The following CEP89 variants were observed in gnomAD, a reference collection of about 807,000 sequenced individuals.
The protein encoded by CEP89 is centrosomal protein of 89 kDa.
A neutral mutation model predicts 97.6 loss-of-function variants in CEP89; 95 were observed. That is an observed-to-expected ratio of 0.97 (90% confidence interval 0.82 to 1.15). The LOEUF (loss-of-function observed/expected upper bound fraction) is 1.15, where lower values mean the gene tolerates loss of function less well. Among genes scored for constraint, CEP89 ranks in the 50% most tolerant of loss-of-function variants. The pLI is 0.00. For synonymous variants in CEP89, 354 were observed against 349.1 expected (o/e 1.01, Z -0.16); for missense variants, 869 against 947.7 (o/e 0.92, Z 1.09).
chr19:32,915,400 T>C lies in CEP89; in HGVS notation c.1502A>G (p.Lys501Arg). ...EILRAKCQELKTHSDGKIAVE... is the reference protein window; with the variant it reads ...EILRAKCQELRTHSDGKIAVE... ...TGCGATTTTGCCATCCGAGTGTGTT[T>C]TGAGTTCTTGGCATTTGGCACGTAA... Residue 501 changes from lysine to arginine, a missense_variant, in exon 14 of 19, where the codon AAA becomes AGA. Physicochemically the swap from Lys to Arg is conservative, Grantham distance 26. Transcript: ENST00000305768. The C allele has an allele frequency of 1.2e-6, 2 of 1,613,914 alleles. No homozygotes were observed. Among genetic ancestry groups the C allele is most frequent in the Non-Finnish European group, 1.7e-6 (2 of 1,179,940 alleles).
intron 4 of CEP89, among the ~76,000 whole-genome samples, chr19:32,951,651 G>A (rs1970921697): frequency 6.6e-6 from 1 of 151,324 alleles, no homozygotes; most frequent in Non-Finnish European, 1.5e-5. Context: ...TCCAAGAAAA[G>A]ATGAGTTTCC....
At chr19:32,891,410 C>T (rs959494639) in intron 16 of CEP89, among the ~76,000 whole-genome samples, 4 of 152,166 alleles carry the variant, frequency 2.6e-5, no homozygotes, top group African/African-American at 4.8e-5. Flanking sequence ...GTGACTGTTA[C>T]ACTTGATTTG....
intron 13 of CEP89, chr19:32,917,810 C>A (rs1354497791): frequency 3.4e-5 from 33 of 984,888 alleles, no homozygotes; most frequent in Non-Finnish European, 3.9e-5. Flanking sequence ...AGGCCCGCAG[C>A]TCTGAAGGAA....
intron 3 of CEP89, among the ~76,000 whole-genome samples, chr19:32,959,454 A>G (rs1971118462): frequency 6.6e-6 from 1 of 152,204 alleles, no homozygotes. Context: ...AAAGATGATG[A>G]AGAAAAAAGG....
chr19:32,968,721 T>C (rs1332107169), intron 1 of CEP89, among the ~76,000 whole-genome samples: 1 of 152,166 alleles, frequency 6.6e-6, no homozygotes, highest in African/African-American at 2.4e-5. Flanking sequence ...AAAACCCTCA[T>C]GGGCAGCACC....
At chr19:32,901,474 C>T in intron 14 of CEP89, 62 bp from the exon 15 acceptor site, 4 of 1,536,850 alleles carry the variant, frequency 2.6e-6, no homozygotes, top group Non-Finnish European at 3.5e-6. Flanking sequence ...GGGGCAGTCA[C>T]ATAACGAGGA....
intron 2 of CEP89, chr19:32,963,939 TG>T: frequency 1.1e-5 from 1 of 93,304 alleles, no homozygotes; most frequent in Non-Finnish European, 2.1e-5. Flanking sequence ...CGCATGCACA[TG>T]AACACACACA....
At position 32,971,849 on chromosome 19, in the gene CEP89, C is replaced by T; in HGVS notation, c.26G>A (p.Arg9His). ...GCATCTACTTACGAAATGACTCCTG[C>T]GGCCTCTCCGAAATCCCAGGAGCAT... MLLGFRRG[R>H]RSHFKHIIHG... Residue 9 changes from arginine to histidine, a missense_variant, in exon 1 of 19, where the codon CGC becomes CAC. Physicochemically the swap from Arg to His is conservative, Grantham distance 29 (BLOSUM62 0). Transcript: ENST00000305768. 1.9e-6 allele frequency: 3 copies of T among 1,594,416 alleles called. No homozygotes were observed. Among genetic ancestry groups the T allele is most frequent in the South Asian group, 1.1e-5 (1 of 88,310 alleles).
chr19:32,937,677 G>C lies in CEP89; in HGVS notation c.625-4C>G. ...CACATAATGGAGGTTTTTCATCCTA[G>C]GAAAGAAAGAACATAAGAGGAATAA... is the stretch of plus-strand genomic sequence containing the variant. On this transcript the variant is annotated splice_region_variant and splice_polypyrimidine_tract_variant and intron_variant, in intron 6 of 18. Coordinates refer to ENST00000305768, the MANE Select transcript of CEP89 (RefSeq NM_032816.5). 6.2e-7 allele frequency: 1 copy of C among 1,602,312 alleles called. No individual in the cohort carries two copies. The highest frequency in any genetic ancestry group is 2.2e-5 in the East Asian group (1 of 44,810).
chr19:32,907,974 T>C (rs577542110), intron 14 of CEP89, among the ~76,000 whole-genome samples: 1 of 152,352 alleles, frequency 6.6e-6, no homozygotes, highest in Admixed American at 6.5e-5. Flanking sequence ...TGGTTTATAG[T>C]TGCCTGCAGT....
chr19:32,896,104 T>C (rs1371935208), intron 16 of CEP89, among the ~76,000 whole-genome samples: 4 of 152,120 alleles, frequency 2.6e-5, no homozygotes, highest in African/African-American at 9.7e-5. Flanking sequence ...TTCACAGAAA[T>C]AGAATAAACA....
chr19:32,971,574 T>C, intron 1 of CEP89: 1 of 581,112 alleles, frequency 1.7e-6, no homozygotes, highest in Non-Finnish European at 3.1e-6. Flanking sequence ...GGAAGATCGC[T>C]TGAGCCCAGG....
rs542941894 is a variant in CEP89, at chr19:32,935,766, G to T, written c.667+1865C>A. Among the ~76,000 whole-genome samples, 154 of 152,246 alleles carry T rather than the reference G, an allele frequency of 1.0e-3. 4 individuals carry two copies. The highest frequency in any genetic ancestry group is 0.01 in the Admixed American group (153 of 15,296). On this transcript the variant is annotated intron_variant, in intron 7 of 18. Transcript: ENST00000305768. ...CTCTTGCTCCATGGAGCAGGCAGGA[G>T]CCCCGGCCCTCCCTGGGTGCTGCTG...
At chr19:32,953,440 T>C (rs1970967514) in intron 4 of CEP89, among the ~76,000 whole-genome samples, 175 bp downstream of exon 4, 1 of 152,040 alleles carries the variant, frequency 6.6e-6, no homozygotes, top group Non-Finnish European at 1.5e-5. Context: ...GGAAAGAAGT[T>C]TATGTTTTAA....
intron 14 of CEP89, among the ~76,000 whole-genome samples, chr19:32,906,938 A>G (rs1248389250): frequency 2.0e-5 from 3 of 152,120 alleles, no homozygotes; most frequent in Non-Finnish European, 4.4e-5. Flanking sequence ...GGCCCAAGAG[A>G]TCCTCCCGCC....
intron 15 of CEP89, 94 bp from the exon 16 acceptor site, chr19:32,900,092 T>A: frequency 8.4e-7 from 1 of 1,185,296 alleles, no homozygotes; most frequent in Non-Finnish European, 1.2e-6. Flanking sequence ...AGCAAGTATG[T>A]TAGCATTTAA....
chr19:32,968,392 T>G (rs10164318), intron 1 of CEP89, among the ~76,000 whole-genome samples: 105,790 of 152,058 alleles, frequency 0.7, 37,044 homozygotes, highest in African/African-American at 0.75. Context: ...AGGACCACAG[T>G]CATGTGCCAA....
At chr19:32,953,867 C>A in intron 3 of CEP89, 66 bp from the exon 4 acceptor site, 63 of 607,642 alleles carry the variant, frequency 1.0e-4, no homozygotes, top group Non-Finnish European at 1.6e-4. Context: ...TGATAAATAT[C>A]TTTTTTTTTT....
intron 14 of CEP89, among the ~76,000 whole-genome samples, chr19:32,908,760 A>C (rs556491353): frequency 3.3e-5 from 5 of 152,304 alleles, no homozygotes; most frequent in Non-Finnish European, 7.4e-5. Flanking sequence ...CTGATTTATC[A>C]GCAAAGCAGC....
Sources: gnomAD v4.1 joint callset for allele counts (sites outside exome capture counted in the v4.1 genomes callset) on GRCh38, gnomAD v4.1.1 for gene constraint, MANE v1.5 for transcripts, NCBI Gene and HGNC (gene_info 2026-07-23, HGNC 2026-07-21) for gene names.